The following DYSF variants were observed in gnomAD, a reference collection of about 807,000 sequenced individuals.
DYSF encodes the protein dystrophy-associated fer-1-like 1.
A neutral mutation model predicts 274.9 loss-of-function variants in DYSF; 212 were observed. That is an observed-to-expected ratio of 0.77 (90% CI 0.69 to 0.86). The LOEUF (loss-of-function observed/expected upper bound fraction) is 0.86, where lower values mean the gene tolerates loss of function less well. Ranked by LOEUF, DYSF falls within the 40% of genes least tolerant of loss-of-function variation. The pLI is 0.00. For synonymous variants in DYSF, 1,091 were observed against 1,078.7 expected (o/e 1.01, Z -0.22); for missense variants, 2,666 against 2,783.2 (o/e 0.96, Z 0.95).
intron 16 of DYSF, 70 bp from the exon 17 acceptor site, chr2:71,539,087 T>C: frequency 7.1e-7 from 1 of 1,408,900 alleles, no homozygotes. Context: ...CGAGGCCGCA[T>C]ACTTCCTGGG....
intron 41 of DYSF, among the ~76,000 whole-genome samples, chr2:71,638,462 A>G (rs953802985): frequency 6.6e-6 from 1 of 152,052 alleles, no homozygotes; most frequent in African/African-American, 2.4e-5. Flanking sequence ...ATGGAGTCCT[A>G]AAGAGGTTAA....
At chr2:71,563,679 C>T (rs1306610559) in intron 23 of DYSF, among the ~76,000 whole-genome samples, 2 of 152,196 alleles carry the variant, frequency 1.3e-5, no homozygotes, top group Non-Finnish European at 2.9e-5. Flanking sequence ...TGTTACCTCC[C>T]TGGTCAAATC....
At chr2:71,619,610 C>T (rs1053707651) in intron 40 of DYSF, among the ~76,000 whole-genome samples, 10 of 152,168 alleles carry the variant, frequency 6.6e-5, no homozygotes, top group African/African-American at 1.9e-4. Flanking sequence ...GGGCCAGCCC[C>T]GGCAGCTCTG....
chr2:71,531,755 T>C (rs1199655357), intron 14 of DYSF, among the ~76,000 whole-genome samples: 2 of 149,970 alleles, frequency 1.3e-5, no homozygotes, highest in African/African-American at 2.5e-5. Context: ...AAGGCTGTGA[T>C]GTGTTTTATG....
Position 71,600,831 on chromosome 2 carries a change from C to CAG in DYSF, c.3894_3895dup (p.Lys1299ArgfsTer65), listed in dbSNP as rs1558584694. Reference sequence around the variant, plus strand: ...GCTGCTGGCCTCTTTTGAGCTCATCCAGAGAGAGAAGGTGAGGCTGGTCTA... The same window carrying CAG: ...GCTGCTGGCCTCTTTTGAGCTCATCCAGAGAGAGAGAAGGTGAGGCTGGTCTA... On this transcript the variant is annotated frameshift_variant, in exon 34 of 56. Coordinates refer to ENST00000410020, the MANE Select transcript of DYSF (RefSeq NM_001130987.2). LOFTEE classifies it high-confidence loss of function. 1.9e-6 allele frequency: 3 copies of CAG among 1,611,742 alleles called. No individual in the cohort carries two copies. Among genetic ancestry groups the CAG allele is most frequent in the Non-Finnish European group, 2.5e-6 (3 of 1,180,020 alleles).
At chr2:71,483,460 G>A (rs1166871174) in intron 3 of DYSF, among the ~76,000 whole-genome samples, 1 of 152,158 alleles carries the variant, frequency 6.6e-6, no homozygotes, top group Non-Finnish European at 1.5e-5. Flanking sequence ...GCTTTGAAAA[G>A]GCCAGAAGGG....
At chr2:71,518,993 C>T (rs371690021) in intron 10 of DYSF, among the ~76,000 whole-genome samples, 138 of 145,688 alleles carry the variant, frequency 9.5e-4, no homozygotes, top group African/African-American at 3.1e-3. Flanking sequence ...CTCAGGAGGC[C>T]GAGGCAGGAG....
In DYSF at chr2:71,481,815, A is replaced by G. The variant is rs770611408; in HGVS notation, c.148-64A>G. ...CAGTGCCCTGGTGGCACGAAGGTGA[A>G]CCAGACACAGTCTCTTCTCCTAGAG... On this transcript the variant is annotated intron_variant, in intron 2 of 55. Transcript: ENST00000410020. 815 of 1,417,012 alleles carry G rather than the reference A, an allele frequency of 5.8e-4. 1 individual carries two copies. Among genetic ancestry groups the G allele is most frequent in the Non-Finnish European group, 7.7e-4 (771 of 1,007,214 alleles). The allele number at this position is 1,417,012 out of a possible 1,614,324, so 87.8% of individuals were successfully genotyped here. A position where few individuals can be genotyped will look rare whatever the true frequency, so the allele number is the denominator to read the frequency against.
intron 4 of DYSF, among the ~76,000 whole-genome samples, chr2:71,503,824 T>C (rs776398437): frequency 3.3e-5 from 5 of 152,220 alleles, no homozygotes; most frequent in Non-Finnish European, 5.9e-5. Context: ...GCCTTCTCAG[T>C]GCTCCCCCCA....
At chr2:71,575,052 A>G (rs1574103150) in intron 30 of DYSF, among the ~76,000 whole-genome samples, 1 of 151,858 alleles carries the variant, frequency 6.6e-6, no homozygotes, top group Non-Finnish European at 1.5e-5. Context: ...CAGGACTGGC[A>G]CCTCCCTAGG....
chr2:71,634,540 G>A (rs2094365455), intron 41 of DYSF, among the ~76,000 whole-genome samples: 1 of 152,208 alleles, frequency 6.6e-6, no homozygotes, highest in African/African-American at 2.4e-5. Context: ...AGCCAGATGA[G>A]TGAAATAGCA....
At chr2:71,564,325 GGT>G (rs767839580) in intron 24 of DYSF, 112 bp downstream of exon 24, 173 of 1,451,824 alleles carry the variant, frequency 1.2e-4, no homozygotes, top group Non-Finnish European at 1.5e-4. Context: ...CTTAGGCTGT[GGT>G]CTTGGAAGGA....
At chr2:71,572,514 C>T (rs532518223) in intron 29 of DYSF, among the ~76,000 whole-genome samples, 2 of 152,330 alleles carry the variant, frequency 1.3e-5, no homozygotes, top group East Asian at 1.9e-4. Context: ...GAAGCTAAGA[C>T]GTAGATTTGG....
chr2:71,545,679 C>A (rs2090412336), intron 17 of DYSF, among the ~76,000 whole-genome samples: 1 of 152,148 alleles, frequency 6.6e-6, no homozygotes, highest in Non-Finnish European at 1.5e-5. Context: ...GGTGGGGGCA[C>A]ACTGTGGCAT....
Position 71,561,853 on chromosome 2 carries a change from C to T in DYSF, c.2318C>T (p.Ala773Val), listed in dbSNP as rs1224682092. The change falls in exon 23 of 56, where the codon GCC (alanine) becomes GTC (valine). Residue 773 changes from alanine (A) to valine (V), a missense_variant. Coordinates refer to ENST00000410020, the MANE Select transcript of DYSF (RefSeq NM_001130987.2). ...THHLSQITEA[A>V]LALKLGHSEL... ...CACCTGAGCCAAATCACTGAGGCTG[C>T]CCTGGCCCTGAAGCTCGGCCACAGT... 3 of 1,614,144 alleles carry T rather than the reference C, an allele frequency of 1.9e-6. No individual in the cohort carries two copies. The highest frequency in any genetic ancestry group is 2.5e-6 in the Non-Finnish European group (3 of 1,180,016).
chr2:71,511,048 C>T (rs886358112), intron 4 of DYSF, among the ~76,000 whole-genome samples: 1 of 152,186 alleles, frequency 6.6e-6, no homozygotes, highest in African/African-American at 2.4e-5. Context: ...CGGGACAGGG[C>T]TCAGGCAGGC....
At chr2:71,635,518 C>T (rs1485763072) in intron 41 of DYSF, among the ~76,000 whole-genome samples, 3 of 152,078 alleles carry the variant, frequency 2.0e-5, no homozygotes, top group Non-Finnish European at 4.4e-5. Flanking sequence ...GAGGCAGAGG[C>T]GGGTGGATCA....
At chr2:71,576,796 C>CTG (rs1558519930) in intron 30 of DYSF, 1 of 152,370 alleles carries the variant, frequency 6.6e-6, no homozygotes, top group African/African-American at 2.4e-5. Context: ...AGTGACAAGG[C>CTG]TGGGGGACCC....
chr2:71,529,261 A>T (rs192592063), intron 14 of DYSF, among the ~76,000 whole-genome samples: 22 of 151,980 alleles, frequency 1.4e-4, no homozygotes, highest in Admixed American at 2.6e-4. Context: ...TTGACTTTAA[A>T]CTTGTCCCCA....
Sources: gnomAD v4.1 joint callset for allele counts (sites outside exome capture counted in the v4.1 genomes callset) on GRCh38, gnomAD v4.1.1 for gene constraint, MANE v1.5 for transcripts, NCBI Gene and HGNC (gene_info 2026-07-23, HGNC 2026-07-21) for gene names.